The following ZGRF1 variants were observed in gnomAD, a reference collection of about 807,000 sequenced individuals.
The protein encoded by ZGRF1 is zinc finger GRF-type containing 1.
Under a neutral mutation model 203.5 loss-of-function variants are expected in ZGRF1, and 196 were observed. That is an observed-to-expected ratio of 0.96 (90% CI 0.86 to 1.08). The LOEUF is 1.08. Ranked by LOEUF, ZGRF1 falls within the 50% of genes least tolerant of loss-of-function variation. The pLI is 0.00. For missense variants in ZGRF1, 2,326 were observed against 2,416.3 expected (o/e 0.96, Z 0.78); for synonymous variants, 809 against 841.3 (o/e 0.96, Z 0.66).
chr4:112,570,940 T>G (rs1285154071), intron 16 of ZGRF1, among the ~76,000 whole-genome samples: 1 of 151,872 alleles, frequency 6.6e-6, no homozygotes, highest in African/African-American at 2.4e-5. Context: ...CTGTCTCTAC[T>G]AAAAATACAA....
At position 112,548,930 on chromosome 4, in the gene ZGRF1, C is replaced by T. The variant is rs1456520938; in HGVS notation, c.5347-550G>A. On this transcript the variant is annotated intron_variant, in intron 22 of 27. Transcript: ENST00000505019. ...GAGATCGAGACCATCCCGGCTAAAA[C>T]GGTGAAACCCCGTCTCTACTAAAAA... Among the ~76,000 whole-genome samples, 5 of 32,156 alleles carry T rather than the reference C, an allele frequency of 1.6e-4. 2 individuals carry two copies. Among genetic ancestry groups the T allele is most frequent in the African/African-American group, 2.5e-4 (2 of 8,034 alleles). 21.1% of individuals were successfully genotyped at this position (32,156 alleles called of 152,430 possible).
intron 16 of ZGRF1, among the ~76,000 whole-genome samples, chr4:112,571,846 AG>A (rs1744274528): frequency 6.6e-6 from 1 of 152,220 alleles, no homozygotes; most frequent in Non-Finnish European, 1.5e-5. Flanking sequence ...AAGAACAGAG[AG>A]GGGAACTTGC....
chr4:112,585,874 A>C (rs931457368), intron 13 of ZGRF1, 149 bp from the exon 14 acceptor site: 15 of 463,332 alleles, frequency 3.2e-5, no homozygotes, highest in African/African-American at 2.8e-4. Flanking sequence ...TTTCTGCTAA[A>C]TTTAACAGGT....
intron 16 of ZGRF1, chr4:112,565,429 T>TC: frequency 2.8e-6 from 1 of 357,522 alleles, no homozygotes; most frequent in South Asian, 4.8e-5. Context: ...CATTTCATTC[T>TC]CAAAAAAAAA....
intron 16 of ZGRF1, among the ~76,000 whole-genome samples, chr4:112,574,523 T>C (rs1744786964): frequency 6.6e-6 from 1 of 152,156 alleles, no homozygotes; most frequent in African/African-American, 2.4e-5. Flanking sequence ...AGAGACAAGA[T>C]GAGGTAATGG....
At chr4:112,544,022 T>C (rs928096047) in intron 24 of ZGRF1, among the ~76,000 whole-genome samples, 26 of 152,158 alleles carry the variant, frequency 1.7e-4, no homozygotes, top group Non-Finnish European at 1.5e-4. Flanking sequence ...AGTTAAGATT[T>C]TTTTTAAAAA....
In ZGRF1 at chr4:112,539,662, T is replaced by C. The variant is rs771727836; in HGVS notation, c.6200A>G (p.Asn2067Ser). Residue 2067 changes from asparagine to serine, a missense_variant, in exon 28 of 28, where the codon AAC becomes AGC. Transcript: ENST00000505019. Reference sequence around the variant, plus strand: ...ATGGTTCAGCTGTGGTTCATACTGGTTTGCATGTTGCAATCCATCTTCCCT... The same window carrying C: ...ATGGTTCAGCTGTGGTTCATACTGGCTTGCATGTTGCAATCCATCTTCCCT... ...EGREDGLQHA[N>S]QYEPQLNHLL... The C allele has an allele frequency of 1.2e-5, 19 of 1,605,184 alleles. No homozygotes were observed. Among genetic ancestry groups the C allele is most frequent in the Non-Finnish European group, 1.5e-5 (18 of 1,176,820 alleles).
In ZGRF1 at chr4:112,540,944, A is replaced by G; in HGVS notation, c.5787T>C (p.Asp1929=). The G allele has an allele frequency of 6.4e-7, 1 of 1,568,460 alleles. No individual in the cohort carries two copies. Among genetic ancestry groups the G allele is most frequent in the Non-Finnish European group, 8.7e-7 (1 of 1,154,860 alleles). ...CTTCTGCCACATTATGAAAGCTGTT[A>G]TCTCTTTCTATCTGGAGTAAGAAAT... ...NVKGLEQIER[D]NSFHNVAEAT... Residue 1929 remains aspartate, a synonymous_variant, in exon 26 of 28, where the codon GAT becomes GAC. Transcript: ENST00000505019.
rs1553991866 is a variant in ZGRF1, at chr4:112,585,742, AAG to A, written c.3917-19_3917-18del. The A allele has an allele frequency of 6.7e-7, 1 of 1,497,686 alleles. No individual in the cohort carries two copies. Among genetic ancestry groups the A allele is most frequent in the South Asian group, 1.3e-5 (1 of 76,504 alleles). The allele number at this position is 1,497,686 out of a possible 1,614,324, so 92.8% of individuals were successfully genotyped here. On this transcript the variant is annotated intron_variant, in intron 13 of 27. Coordinates refer to ENST00000505019, the MANE Select transcript of ZGRF1 (RefSeq NM_018392.5). ...TTAGATGTTCTACAAAAAAAAAAAA[AAG>A]AGAGCAGAAAATTAAATACAAAATA...
chr4:112,630,222 G>A (rs1353928531), intron 3 of ZGRF1, among the ~76,000 whole-genome samples: 1 of 151,216 alleles, frequency 6.6e-6, no homozygotes, highest in Non-Finnish European at 1.5e-5. Context: ...AGTAGGGCCA[G>A]GCGCAGTGGC....
At position 112,540,908 on chromosome 4, in the gene ZGRF1, T is replaced by C; in HGVS notation, c.5823A>G (p.Thr1941=). The stretch of plus-strand genomic sequence containing the variant: ...CAATCAGTGATTGAATCAGCTTGAG[T>C]GTAAACGTAGCTTCTGCCACATTAT... ...SFHNVAEATF[T]LKLIQSLIAS... The change falls in exon 26 of 28, where the codon ACA becomes ACG. Residue 1941 remains threonine, a synonymous_variant. Coordinates refer to ENST00000505019, the MANE Select transcript of ZGRF1 (RefSeq NM_018392.5). The C allele has an allele frequency of 6.3e-7, 1 of 1,582,104 alleles. No individual in the cohort carries two copies. The highest frequency in any genetic ancestry group is 1.3e-5 in the African/African-American group (1 of 74,508).
At chr4:112,609,188 G>C (rs930780727) in intron 8 of ZGRF1, among the ~76,000 whole-genome samples, 191 bp downstream of exon 8, 2 of 151,682 alleles carry the variant, frequency 1.3e-5, no homozygotes, top group Non-Finnish European at 2.9e-5. Context: ...CGAGTAGCCG[G>C]GACTACAGGT....
rs1396381982 is a variant in ZGRF1 at position 112,609,440 on chromosome 4, G to A, written c.2668-11C>T. The stretch of plus-strand genomic sequence containing the variant: ...ATCTTCTTTTAGTATCTTAGGAATA[G>A]AATATTAATTTTAGATAAACTAATA... On this transcript the variant is annotated splice_polypyrimidine_tract_variant and intron_variant, in intron 7 of 27. Transcript: ENST00000505019. The A allele has an allele frequency of 1.4e-6, 2 of 1,428,002 alleles. No individual in the cohort carries two copies. The highest frequency in any genetic ancestry group is 1.9e-6 in the Non-Finnish European group (2 of 1,028,426). The allele number at this position is 1,428,002 out of a possible 1,614,324, so 88.5% of individuals were successfully genotyped here. A position where few individuals can be genotyped will look rare whatever the true frequency, so the allele number is the denominator to read the frequency against.
rs776149448 is a variant in ZGRF1 at position 112,586,480 on chromosome 4, G to A, written c.3881C>T (p.Ala1294Val). The change falls in exon 13 of 28, where the codon GCT becomes GTT. Residue 1294 changes from alanine (A) to valine (V), a missense_variant. Ala to Val is a moderately conservative substitution (Grantham distance 64). Coordinates refer to ENST00000505019, the MANE Select transcript of ZGRF1 (RefSeq NM_018392.5). ...AGATGTGAAAGTCTGCTTATAATGA[G>A]CAGGAGACTGAAAAACAGCTGGTAT... ...IHIPAVFQSP[A>V]HYKQTFTSCL... 6.2e-7 allele frequency: 1 copy of A among 1,612,642 alleles called. No homozygotes were observed.
intron 7 of ZGRF1, among the ~76,000 whole-genome samples, chr4:112,610,066 G>T (rs1193876595): frequency 6.6e-6 from 1 of 152,020 alleles, no homozygotes; most frequent in Admixed American, 6.6e-5. Context: ...TTGAGCCCAG[G>T]AGGTCAAGGC....
At chr4:112,565,426 T>G (rs752558594) in intron 16 of ZGRF1, 8 of 621,462 alleles carry the variant, frequency 1.3e-5, no homozygotes, top group Non-Finnish European at 2.1e-5. Context: ...AAACATTTCA[T>G]TCTCAAAAAA....
At chr4:112,621,653 C>CAA (rs759426408) in intron 4 of ZGRF1, among the ~76,000 whole-genome samples, 8 of 90,786 alleles carry the variant, frequency 8.8e-5, no homozygotes, top group East Asian at 3.5e-4. Flanking sequence ...AACTCCATCT[C>CAA]AAAAAAAAAA....
chr4:112,630,496 C>T (rs1207747943), intron 3 of ZGRF1, among the ~76,000 whole-genome samples: 1 of 151,530 alleles, frequency 6.6e-6, no homozygotes, highest in African/African-American at 2.4e-5. Context: ...CCAGCCTGGG[C>T]GACAAGAGCA....
At chr4:112,635,743 A>G (rs1057477000) in intron 1 of ZGRF1, among the ~76,000 whole-genome samples, 12 of 151,750 alleles carry the variant, frequency 7.9e-5, no homozygotes, top group African/African-American at 2.9e-4. Flanking sequence ...TACATACAGT[A>G]TTTATCAGTC....
Sources: allele counts gnomAD v4.1 joint callset (sites outside exome capture counted in the v4.1 genomes callset), GRCh38; gene constraint gnomAD v4.1.1; transcripts MANE v1.5; gene names NCBI Gene and HGNC (gene_info 2026-07-23, HGNC 2026-07-21).